Variants in KHDC4 observed in about 807,000 individuals in gnomAD.
KHDC4 encodes the protein KH homology domain-containing protein 4.
In KHDC4, 19 loss-of-function variants were observed where a neutral mutation model predicts 74.5. The ratio of observed to expected loss-of-function variants is 0.26; its 90% confidence interval spans 0.18 to 0.37. The LOEUF is 0.37. Among genes scored for constraint, KHDC4 ranks in the 10% least tolerant of loss-of-function variants. KHDC4 has a pLI of 1.00. For synonymous variants in KHDC4, 253 were observed against 266.1 expected (o/e 0.95, Z 0.48); for missense variants, 632 against 754.1 (o/e 0.84, Z 1.90).
In KHDC4 at chr1:155,934,322, C is replaced by T. The variant is rs1449525287; in HGVS notation, c.38+14G>A. 1.2e-6 allele frequency: 2 copies of T among 1,608,190 alleles called. No individual in the cohort carries two copies. Among genetic ancestry groups the T allele is most frequent in the African/African-American group, 1.3e-5 (1 of 74,908 alleles). ...CCAGTGCTCGCTCCGATGCCCTCGC[C>T]CCTGAAGCCGTACCCGCCAGCTCCA... On this transcript the variant is annotated intron_variant, in intron 1 of 13. Coordinates refer to ENST00000368321, the MANE Select transcript of KHDC4 (RefSeq NM_014949.4).
rs1673685828 is a variant in KHDC4, at chr1:155,914,326, A to C, written c.1646-6T>G. On this transcript the variant is annotated splice_polypyrimidine_tract_variant and splice_region_variant and intron_variant, in intron 13 of 13. Transcript: ENST00000368321. ...CATCTTCTTGGCTGGATAATCTAGA[A>C]TAGAGAAAAAACAACCCCAACCCCA... 1 of 1,611,794 alleles carries C rather than the reference A, an allele frequency of 6.2e-7. No homozygotes were observed. Among genetic ancestry groups the C allele is most frequent in the Admixed American group, 1.7e-5 (1 of 59,926 alleles).
chr1:155,916,803 ATGT>A (rs1673741204), intron 11 of KHDC4, 66 bp from the exon 12 acceptor site: 3 of 1,034,162 alleles, frequency 2.9e-6, no homozygotes, highest in Non-Finnish European at 3.0e-6. Flanking sequence ...TAGCTCCTTA[ATGT>A]AACTGTCAAG....
intron 10 of KHDC4, chr1:155,921,101 T>C: frequency 2.3e-6 from 1 of 435,734 alleles, no homozygotes; most frequent in Non-Finnish European, 4.2e-6. Flanking sequence ...CCTAAAATAT[T>C]TGCCATCTGA....
chr1:155,920,392 G>A (rs1233799710), intron 10 of KHDC4, among the ~76,000 whole-genome samples: 7 of 152,044 alleles, frequency 4.6e-5, no homozygotes, highest in African/African-American at 1.7e-4. Flanking sequence ...GAGCTGAGAT[G>A]CGCCACTGCA....
At chr1:155,916,782 C>T (rs1172743279) in intron 11 of KHDC4, 45 bp from the exon 12 acceptor site, 16 of 1,304,326 alleles carry the variant, frequency 1.2e-5, no homozygotes, top group South Asian at 1.1e-4. Context: ...CTACAACTGC[C>T]GTATTGACTT....
At chr1:155,926,503 T>A in intron 6 of KHDC4, 173 bp downstream of exon 6, 1 of 641,892 alleles carries the variant, frequency 1.6e-6, no homozygotes, top group South Asian at 1.8e-5. Context: ...GTAATGTTCG[T>A]GACGGGGTTT....
chr1:155,917,929 C>T (rs1673768611), intron 10 of KHDC4, among the ~76,000 whole-genome samples: 1 of 152,154 alleles, frequency 6.6e-6, no homozygotes, highest in African/African-American at 2.4e-5. Context: ...ATTTGGGCTA[C>T]TAGGAGTAAA....
chr1:155,925,556 G>T (rs1673972086), intron 7 of KHDC4, 76 bp downstream of exon 7: 9 of 1,135,556 alleles, frequency 7.9e-6, no homozygotes, highest in Non-Finnish European at 1.2e-5. Flanking sequence ...GTTTTCTCTT[G>T]CTCCTTCTGA....
At chr1:155,929,678 C>A (rs559953096) in intron 3 of KHDC4, 34 bp downstream of exon 3, 1 of 1,597,836 alleles carries the variant, frequency 6.3e-7, no homozygotes, top group Admixed American at 1.8e-5. Context: ...AATCCACTCA[C>A]CGCCCTCCCC....
In KHDC4 at chr1:155,927,171, A is replaced by G; in HGVS notation, c.465-15T>C. On this transcript the variant is annotated splice_polypyrimidine_tract_variant and intron_variant, in intron 4 of 13. Transcript: ENST00000368321. The stretch of plus-strand genomic sequence containing the variant: ...ATGGACGATCCCTATAAAGAGAAAC[A>G]AAAAAGGATGATCTCAATGTGGTCA... 2 of 1,610,784 alleles carry G rather than the reference A, an allele frequency of 1.2e-6. No individual in the cohort carries two copies. Among genetic ancestry groups the G allele is most frequent in the Non-Finnish European group, 1.7e-6 (2 of 1,177,206 alleles).
intron 10 of KHDC4, among the ~76,000 whole-genome samples, chr1:155,918,507 G>A (rs1466013347): frequency 6.6e-6 from 1 of 152,136 alleles, no homozygotes; most frequent in African/African-American, 2.4e-5. Context: ...TGCACTGCAA[G>A]GCAATTTTGT....
rs529827309 is a variant in KHDC4 at position 155,926,625 on chromosome 1, T to G, written c.681+51A>C. On this transcript the variant is annotated intron_variant, in intron 6 of 13. Transcript: ENST00000368321. ...AGCCACTGTGCCTGGCCAGCACATATCATTTTTATAGAAATGATAATGCTA... is the reference window on the plus strand; with the variant it reads ...AGCCACTGTGCCTGGCCAGCACATAGCATTTTTATAGAAATGATAATGCTA... 4 of 1,590,260 alleles carry G rather than the reference T, an allele frequency of 2.5e-6. No homozygotes were observed. The South Asian group carries it at 3.3e-5, about 13-fold the overall frequency.
chr1:155,916,308 A>C (rs2102596608), intron 12 of KHDC4, among the ~76,000 whole-genome samples: 1 of 152,378 alleles, frequency 6.6e-6, no homozygotes, highest in Admixed American at 6.5e-5. Context: ...ACTCTAAAGT[A>C]GCAAAAATAG....
In KHDC4 at chr1:155,913,296, T is replaced by G. The variant is rs1238571348; in HGVS notation, c.*825A>C. On this transcript the variant is annotated 3_prime_UTR_variant, in exon 14 of 14. Coordinates refer to ENST00000368321, the MANE Select transcript of KHDC4 (RefSeq NM_014949.4). ...AAAGGACAATTTGCAATTTCAGTCA[T>G]TAAGTCCAAAATCCTATAGCCAGCA... is the stretch of plus-strand genomic sequence containing the variant. The G allele has an allele frequency of 1.3e-5, 2 of 152,678 alleles. No individual in the cohort carries two copies. The highest frequency in any genetic ancestry group is 3.7e-4 in the East Asian group (2 of 5,342). 9.5% of individuals were successfully genotyped at this position (152,678 alleles called of 1,614,324 possible).
chr1:155,931,344 C>A (rs960080136), intron 2 of KHDC4, among the ~76,000 whole-genome samples: 29 of 147,684 alleles, frequency 2.0e-4, no homozygotes, highest in African/African-American at 7.0e-4. Context: ...AAAGAATGAA[C>A]GAAGGAACCA....
intron 8 of KHDC4, 47 bp from the exon 9 acceptor site, chr1:155,921,965 G>A (rs1476379667): frequency 1.3e-5 from 15 of 1,195,794 alleles, no homozygotes; most frequent in Admixed American, 1.8e-5. Context: ...CCGAAGCTGT[G>A]CATTTACAAG....
intron 7 of KHDC4, among the ~76,000 whole-genome samples, chr1:155,924,456 GC>G (rs1156776622): frequency 6.6e-6 from 1 of 151,808 alleles, no homozygotes; most frequent in East Asian, 1.9e-4. Flanking sequence ...TGATTCATCC[GC>G]CTCGGCCCTG....
Position 155,929,384 on chromosome 1 carries a change from G to C in KHDC4, c.385-9C>G. On this transcript the variant is annotated splice_polypyrimidine_tract_variant and intron_variant, in intron 3 of 13. Transcript: ENST00000368321. ...CCACTAAGTCGGCTGATCTAAAAAA[G>C]GAAATGTTCAATTAAAAAAATGTGG... 1.2e-6 allele frequency: 2 copies of C among 1,609,182 alleles called. No homozygotes were observed. The highest frequency in any genetic ancestry group is 1.7e-6 in the Non-Finnish European group (2 of 1,177,128).
chr1:155,928,591 G>C (rs1365751782), intron 4 of KHDC4, among the ~76,000 whole-genome samples: 2 of 11,516 alleles, frequency 1.7e-4, no homozygotes, highest in African/African-American at 2.9e-4. Flanking sequence ...CCATCATAAA[G>C]ACAAAAAAAA....
Sources: gnomAD v4.1 joint callset for allele counts (sites outside exome capture counted in the v4.1 genomes callset) on GRCh38, gnomAD v4.1.1 for gene constraint, MANE v1.5 for transcripts, NCBI Gene and HGNC (gene_info 2026-07-23, HGNC 2026-07-21) for gene names.